NTM: variants seen among roughly 807,000 people sequenced by gnomAD.
NTM encodes IgLON family member 2.
NTM carries 13 observed loss-of-function variants against 42.1 expected under a neutral mutation model. That is an observed-to-expected ratio of 0.31 (90% confidence interval 0.20 to 0.49). The LOEUF is 0.49. Ranked by LOEUF, NTM falls within the 20% of genes least tolerant of loss-of-function variation. NTM has a pLI of 0.99. For synonymous variants in NTM, 187 were observed against 179.2 expected, an observed-to-expected ratio of 1.04 and a Z score of -0.35; for missense variants, 373 against 452.8, an observed-to-expected ratio of 0.82 and a Z score of 1.60.
chr11:132,183,772 T>C (rs918080246), intron 3 of NTM, among the ~76,000 whole-genome samples: 7 of 152,136 alleles, frequency 4.6e-5, no homozygotes, highest in Admixed American at 6.6e-5. Context: ...GAACTTAATA[T>C]TCAATACAAA....
chr11:132,245,395 G>A (rs576065183), intron 4 of NTM, among the ~76,000 whole-genome samples: 1 of 152,280 alleles, frequency 6.6e-6, no homozygotes, highest in Admixed American at 6.5e-5. Flanking sequence ...GTAATGCCAG[G>A]ACAGAGGTGA....
At chr11:132,116,559 C>T (rs1017149668) in intron 2 of NTM, among the ~76,000 whole-genome samples, 2 of 152,196 alleles carry the variant, frequency 1.3e-5, no homozygotes, top group African/African-American at 4.8e-5. Context: ...TTGTACTTAA[C>T]CACCCTCATA....
chr11:132,185,605 T>C (rs1273429108), intron 3 of NTM, among the ~76,000 whole-genome samples: 2 of 152,204 alleles, frequency 1.3e-5, no homozygotes, highest in Non-Finnish European at 2.9e-5. Flanking sequence ...AACAAATGGC[T>C]CAGTATTGCT....
chr11:131,535,315 T>C (rs544221098), intron 1 of NTM: 3 of 152,202 alleles, frequency 2.0e-5, no homozygotes, highest in African/African-American at 7.2e-5. Flanking sequence ...TATATGGCAA[T>C]AAAAGAAATA....
intron 2 of NTM, among the ~76,000 whole-genome samples, chr11:132,028,345 T>C (rs2075464966): frequency 6.6e-6 from 1 of 152,052 alleles, no homozygotes; most frequent in Non-Finnish European, 1.5e-5. Context: ...TAAATAGATT[T>C]TTAGTTTAAA....
At chr11:131,523,237 G>T (rs2049991100) in intron 1 of NTM, among the ~76,000 whole-genome samples, 1 of 152,190 alleles carries the variant, frequency 6.6e-6, no homozygotes. Flanking sequence ...TAAATGTCAA[G>T]AGAACTCCTA....
intron 1 of NTM, among the ~76,000 whole-genome samples, chr11:131,907,397 A>C (rs2054020022): frequency 6.6e-6 from 1 of 152,200 alleles, no homozygotes; most frequent in South Asian, 2.1e-4. Flanking sequence ...AACCATCCAG[A>C]GTACACATGG....
chr11:131,654,473 A>G (rs983826714), intron 1 of NTM, among the ~76,000 whole-genome samples: 1 of 152,050 alleles, frequency 6.6e-6, no homozygotes, highest in Non-Finnish European at 1.5e-5. Context: ...GTTCCATCTA[A>G]TGCAGAGCTT....
intron 1 of NTM, among the ~76,000 whole-genome samples, chr11:131,742,822 A>G (rs934245821): frequency 1.6e-4 from 25 of 152,230 alleles, no homozygotes; most frequent in African/African-American, 6.0e-4. Flanking sequence ...AGAATATAGA[A>G]ATAAAATCAT....
At chr11:132,062,654 A>G (rs2080857870) in intron 2 of NTM, among the ~76,000 whole-genome samples, 1 of 152,232 alleles carries the variant, frequency 6.6e-6, no homozygotes, top group African/African-American at 2.4e-5. Flanking sequence ...GTAATCAGAC[A>G]GGATGTAGCC....
At chr11:131,864,471 C>T (rs1202495045) in intron 1 of NTM, among the ~76,000 whole-genome samples, 1 of 152,198 alleles carries the variant, frequency 6.6e-6, no homozygotes, top group African/African-American at 2.4e-5. Flanking sequence ...CTCTCAGGCT[C>T]ACTCTCCCTC....
intron 4 of NTM, among the ~76,000 whole-genome samples, chr11:132,281,481 C>A (rs2093969034): frequency 6.6e-6 from 1 of 152,198 alleles, no homozygotes; most frequent in African/African-American, 2.4e-5. Context: ...TACACAGAAA[C>A]ATTTGTTCAT....
chr11:131,589,068 C>T lies in NTM; in HGVS notation c.82+218180C>T, dbSNP rs2059130599. Reference sequence around the variant, plus strand: ...TCGTCCTGTAGGTTGTGGGTGGACACTAAGGTTTGTGAGAAGACAGGTGGC... The same window carrying T: ...TCGTCCTGTAGGTTGTGGGTGGACATTAAGGTTTGTGAGAAGACAGGTGGC... On this transcript the variant is annotated intron_variant, in intron 1 of 8. Transcript: ENST00000683400. Among the ~76,000 whole-genome samples the T allele has an allele frequency of 2.6e-5, 4 of 151,960 alleles. 1 individual carries two copies. The highest frequency in any genetic ancestry group is 2.6e-4 in the Admixed American group (4 of 15,270).
chr11:132,315,107 C>T (rs2095393463), intron 7 of NTM: 2 of 992,022 alleles, frequency 2.0e-6, no homozygotes, highest in Non-Finnish European at 2.4e-6. Context: ...GATGATGGCT[C>T]CTAAGCTGAC....
intron 1 of NTM, among the ~76,000 whole-genome samples, chr11:131,736,551 A>G (rs927846131): frequency 6.6e-6 from 1 of 152,088 alleles, no homozygotes. Flanking sequence ...CTGCTTCTCA[A>G]ATGGATCTCA....
Position 132,146,358 on chromosome 11 carries a change from T to C in NTM, c.244T>C (p.Trp82Arg), listed in dbSNP as rs757194328. The C allele has an allele frequency of 1.2e-6, 2 of 1,614,166 alleles. No individual in the cohort carries two copies. Among genetic ancestry groups the C allele is most frequent in the Non-Finnish European group, 8.5e-7 (1 of 1,180,038 alleles). The change falls in exon 3 of 9, where the codon TGG becomes CGG. Residue 82 changes from tryptophan (W) to arginine (R), a missense_variant. Physicochemically the swap from Trp to Arg is moderately radical, Grantham distance 101. Transcript: ENST00000683400. The surrounding 1 kb of genome is among the most constrained non-coding windows in gnomAD (Gnocchi z 4.5). ...STILYAGNDKWCLDPRVVLLS... is the reference protein window; with the variant it reads ...STILYAGNDKRCLDPRVVLLS... ...CATCCTCTATGCTGGGAATGACAAG[T>C]GGTGCCTGGATCCTCGCGTGGTCCT...
At chr11:131,626,022 C>T (rs1255093259) in intron 1 of NTM, among the ~76,000 whole-genome samples, 3 of 152,060 alleles carry the variant, frequency 2.0e-5, no homozygotes, top group African/African-American at 7.2e-5. Context: ...CTACAGTGCA[C>T]ATTTTTGTAC....
intron 1 of NTM, among the ~76,000 whole-genome samples, chr11:131,625,476 C>A (rs1349764538): frequency 6.6e-6 from 1 of 151,800 alleles, no homozygotes; most frequent in African/African-American, 2.4e-5. Flanking sequence ...GAAAGAAAAG[C>A]AGAGAGAGAG....
chr11:131,862,009 C>G (rs1238316895), intron 1 of NTM, among the ~76,000 whole-genome samples: 23 of 152,194 alleles, frequency 1.5e-4, no homozygotes. Flanking sequence ...GTTGGCTGCT[C>G]TTAGTGCGGT....
Sources: allele counts gnomAD v4.1 joint callset (sites outside exome capture counted in the v4.1 genomes callset), GRCh38; gene constraint gnomAD v4.1.1; non-coding constraint Gnocchi (gnomAD v3.1); transcripts MANE v1.5; gene names NCBI Gene and HGNC (gene_info 2026-07-23, HGNC 2026-07-21).